ARPC4: variants seen among roughly 807,000 people sequenced by gnomAD.
The protein encoded by ARPC4 is actin related protein 2/3 complex subunit 4.
A neutral mutation model predicts 22.8 loss-of-function variants in ARPC4; 3 were observed. The ratio of observed to expected loss-of-function variants is 0.13; its 90% CI spans 0.06 to 0.34. ARPC4 has a LOEUF of 0.34. ARPC4 is among the 10% of genes least tolerant of loss of function. The probability of loss-of-function intolerance (pLI) is 1.00; values close to 1 mark genes in which losing one functional copy is unlikely to be tolerated. For synonymous variants in ARPC4, 80 were observed against 72.5 expected (o/e 1.10, Z -0.52); for missense variants, 98 against 211.0 (o/e 0.46, Z 3.32).
At chr3:9,801,979 G>T (rs1199744114) in intron 4 of ARPC4, among the ~76,000 whole-genome samples, 1 of 152,164 alleles carries the variant, frequency 6.6e-6, no homozygotes, top group Non-Finnish European at 1.5e-5. Context: ...GGTGGCTCAT[G>T]CCTCTAATCC....
intron 2 of ARPC4, among the ~76,000 whole-genome samples, chr3:9,799,617 A>G (rs912581112): frequency 1.3e-5 from 2 of 151,990 alleles, no homozygotes; most frequent in African/African-American, 4.8e-5. Flanking sequence ...TAATTTTTAT[A>G]TTTTTAGTAC....
At chr3:9,802,674 C>CA (rs1553711762) in intron 4 of ARPC4, among the ~76,000 whole-genome samples, 1 of 56,362 alleles carries the variant, frequency 1.8e-5, no homozygotes, top group African/African-American at 6.5e-5. Context: ...CGCGCCTGGC[C>CA]TTTTTTTTTC....
chr3:9,806,102 C>A, intron 5 of ARPC4, 108 bp from the exon 6 acceptor site: 1 of 1,326,200 alleles, frequency 7.5e-7, no homozygotes, highest in Non-Finnish European at 1.1e-6. Flanking sequence ...CTCTGCCCCT[C>A]ACAGATATGA....
chr3:9,804,364 G>C lies in ARPC4; in HGVS notation c.501+351G>C, dbSNP rs74337237. On this transcript the variant is annotated intron_variant, in intron 5 of 5. Transcript: ENST00000397261. Reference sequence around the variant, plus strand: ...AAGTCTGCATGTGAATTTTCTAGGAGTATAGGACAATTAATCATGTTATGA... The same window carrying C: ...AAGTCTGCATGTGAATTTTCTAGGACTATAGGACAATTAATCATGTTATGA... The C allele has an allele frequency of 3.7e-4, 72 of 196,690 alleles. 1 individual carries two copies. The East Asian group carries it at 8.7e-3, about 24-fold the overall frequency. 12.2% of individuals were successfully genotyped at this position (196,690 alleles called of 1,614,324 possible).
At chr3:9,795,600 T>C (rs538733976) in intron 1 of ARPC4, among the ~76,000 whole-genome samples, 2 of 152,350 alleles carry the variant, frequency 1.3e-5, no homozygotes, top group South Asian at 2.1e-4. Flanking sequence ...ATTGTACTCA[T>C]TACTACTCTG....
At chr3:9,800,825 C>G (rs1346723419) in intron 3 of ARPC4, among the ~76,000 whole-genome samples, 1 of 152,156 alleles carries the variant, frequency 6.6e-6, no homozygotes, top group South Asian at 2.1e-4. Flanking sequence ...AACCTGGGGC[C>G]TGCTTTCCTT....
At chr3:9,792,655 G>A (rs1305619719), upstream of ARPC4, 2 of 1,231,440 alleles carry the variant, frequency 1.6e-6, no homozygotes, top group Non-Finnish European at 1.0e-6. Flanking sequence ...GGAGCTTGGC[G>A]GCCGAGATCT....
chr3:9,806,228 G>T lies in ARPC4; in HGVS notation c.*13G>T. 6.2e-7 allele frequency: 1 copy of T among 1,613,830 alleles called. No homozygotes were observed. The highest frequency in any genetic ancestry group is 1.3e-5 in the African/African-American group (1 of 75,038). ...TTGACAGTTTTAAACCATCTGGCTGGATCTCGTGGCCTTCCCCCTCAGACT... is the reference window on the plus strand; with the variant it reads ...TTGACAGTTTTAAACCATCTGGCTGTATCTCGTGGCCTTCCCCCTCAGACT... On this transcript the variant is annotated 3_prime_UTR_variant, in exon 6 of 6. Coordinates refer to ENST00000397261, the MANE Select transcript of ARPC4 (RefSeq NM_005718.5).
chr3:9,800,855 A>C (rs1433095412), intron 3 of ARPC4, among the ~76,000 whole-genome samples: 2 of 152,174 alleles, frequency 1.3e-5, no homozygotes, highest in Non-Finnish European at 2.9e-5. Context: ...GGAGGTTAAC[A>C]AGTGTTGAGA....
At chr3:9,801,265 A>G (rs1197825042) in intron 3 of ARPC4, among the ~76,000 whole-genome samples, 2 of 151,618 alleles carry the variant, frequency 1.3e-5, no homozygotes, top group East Asian at 1.9e-4. Context: ...GAAGGGAGAA[A>G]CTTCAGGGAT....
At chr3:9,801,611 T>G in intron 3 of ARPC4, 50 bp from the exon 4 acceptor site, 1 of 1,539,440 alleles carries the variant, frequency 6.5e-7, no homozygotes, top group Non-Finnish European at 8.8e-7. Flanking sequence ...AAGGTGTTTT[T>G]GGCCTTGGGT....
intron 3 of ARPC4, 113 bp downstream of exon 3, chr3:9,800,409 G>A: frequency 1.0e-6 from 1 of 984,618 alleles, no homozygotes; most frequent in Non-Finnish European, 1.5e-6. Context: ...GATTCAGAGT[G>A]CAGGAAACCT....
chr3:9,800,275 G>C lies in ARPC4; in HGVS notation c.213G>C (p.Arg71=), dbSNP rs1260995720. The change falls in exon 3 of 6, where the codon CGG becomes CGC. Residue 71 remains arginine (R), a synonymous_variant. Coordinates refer to ENST00000397261, the MANE Select transcript of ARPC4 (RefSeq NM_005718.5). ...TTGAGGGCTCCATCAACTCTGTCCGGGTCAGCATTGCTGTGAAACAGGTAA... is the reference window on the plus strand; with the variant it reads ...TTGAGGGCTCCATCAACTCTGTCCGCGTCAGCATTGCTGTGAAACAGGTAA... ...VLIEGSINSV[R]VSIAVKQADE... is the part of the protein sequence containing the mutation. The C allele has an allele frequency of 1.2e-6, 2 of 1,614,074 alleles. No individual in the cohort carries two copies. Among genetic ancestry groups the C allele is most frequent in the Non-Finnish European group, 1.7e-6 (2 of 1,180,000 alleles).
intron 1 of ARPC4, 102 bp from the exon 2 acceptor site, chr3:9,797,557 C>A: frequency 7.7e-7 from 1 of 1,306,062 alleles, no homozygotes; most frequent in Non-Finnish European, 1.1e-6. Flanking sequence ...AAGAGCCTTG[C>A]ACCCTCAGTG....
In ARPC4 at chr3:9,806,650, AC is replaced by A. The variant is rs796988718; in HGVS notation, c.*439del. On this transcript the variant is annotated 3_prime_UTR_variant, in exon 6 of 6. Transcript: ENST00000397261. Reference sequence around the variant, plus strand: ...CGACTTATTTTTTCTCTCCTATGCCACCCCAGGTGGGGAGGGAGGGAGGTTT... The same window carrying A: ...CGACTTATTTTTTCTCTCCTATGCCACCCAGGTGGGGAGGGAGGGAGGTTT... The A allele has an allele frequency of 1.1e-5, 2 of 180,784 alleles. No individual in the cohort carries two copies. Among genetic ancestry groups the A allele is most frequent in the African/African-American group, 4.9e-5 (2 of 41,098 alleles). 11.2% of individuals were successfully genotyped at this position (180,784 alleles called of 1,614,324 possible). A position where few individuals can be genotyped will look rare whatever the true frequency, so the allele number is the denominator to read the frequency against.
At chr3:9,792,998 G>T, upstream of ARPC4, 3 of 1,478,524 alleles carry the variant, frequency 2.0e-6, no homozygotes, top group Non-Finnish European at 2.7e-6. Context: ...TACCCCGCTC[G>T]GAGCATAGAT....
chr3:9,795,097 C>G (rs1475448672), intron 1 of ARPC4, among the ~76,000 whole-genome samples: 1 of 152,062 alleles, frequency 6.6e-6, no homozygotes, highest in African/African-American at 2.4e-5. Context: ...CCTCAGTCTC[C>G]TGGGTTCAAG....
chr3:9,793,030 C>T (rs1227081683), upstream of ARPC4: 2 of 1,537,552 alleles, frequency 1.3e-6, no homozygotes, highest in African/African-American at 2.8e-5. Flanking sequence ...GAAGTCCGGG[C>T]GGAGACCGTA....
At chr3:9,796,129 C>G (rs886550794) in intron 1 of ARPC4, among the ~76,000 whole-genome samples, 1 of 152,098 alleles carries the variant, frequency 6.6e-6, no homozygotes, top group Non-Finnish European at 1.5e-5. Context: ...CACGTTGGCT[C>G]ACGCCTGTAA....
Sources: allele counts gnomAD v4.1 joint callset (sites outside exome capture counted in the v4.1 genomes callset), GRCh38; gene constraint gnomAD v4.1.1; transcripts MANE v1.5; gene names NCBI Gene and HGNC (gene_info 2026-07-23, HGNC 2026-07-21).